POMGNT1: variants seen among roughly 807,000 people sequenced by gnomAD.
POMGNT1 encodes the protein protein O-linked-mannose beta-1,2-N-acetylglucosaminyltransferase 1.
Under a neutral mutation model 95.6 loss-of-function variants are expected in POMGNT1, and 67 were observed. The ratio of observed to expected loss-of-function variants is 0.70; its 90% confidence interval spans 0.58 to 0.86. The LOEUF (loss-of-function observed/expected upper bound fraction) is 0.86, where lower values mean the gene tolerates loss of function less well. Ranked by LOEUF, POMGNT1 falls within the 40% of genes least tolerant of loss-of-function variation. The pLI, the probability that POMGNT1 is intolerant of heterozygous loss-of-function variation, is 0.00. For missense variants in POMGNT1, 719 were observed against 855.2 expected (o/e 0.84, Z 1.99); for synonymous variants, 298 against 317.9 (o/e 0.94, Z 0.66).
At chr1:46,195,582 C>CAA in intron 6 of POMGNT1, 1 of 600,512 alleles carries the variant, frequency 1.7e-6, no homozygotes, top group Non-Finnish European at 3.1e-6. Context: ...GGTGGGGACT[C>CAA]TGTCTTGTTT....
intron 19 of POMGNT1, 62 bp from the exon 20 acceptor site, chr1:46,190,051 G>A: frequency 6.3e-7 from 1 of 1,593,562 alleles, no homozygotes; most frequent in Non-Finnish European, 8.6e-7. Flanking sequence ...GTGTCCCACA[G>A]GACCCTGTAC....
At position 46,197,873 on chromosome 1, in the gene POMGNT1, T is replaced by C; in HGVS notation, c.-50-2A>G. 1.2e-6 allele frequency: 2 copies of C among 1,612,008 alleles called. No individual in the cohort carries two copies. Among genetic ancestry groups the C allele is most frequent in the African/African-American group, 1.3e-5 (1 of 74,972 alleles). On this transcript the variant is annotated splice_acceptor_variant, in intron 1 of 21. Coordinates refer to ENST00000371984, the MANE Select transcript of POMGNT1 (RefSeq NM_017739.4). LOFTEE classifies it low-confidence loss of function (5UTR_SPLICE). ...TGGCCAGCCCATGACTTCAGGAATC[T>C]GAAGGGACCAGAGGGCCACATGGGG...
chr1:46,209,777 C>T (rs2148242152), intron 1 of POMGNT1, among the ~76,000 whole-genome samples: 1 of 152,012 alleles, frequency 6.6e-6, no homozygotes, highest in Admixed American at 6.6e-5. Context: ...TCCCAAAGTG[C>T]TGGGATTACA....
intron 1 of POMGNT1, among the ~76,000 whole-genome samples, chr1:46,208,623 A>T (rs1297021253): frequency 6.6e-6 from 1 of 152,106 alleles, no homozygotes; most frequent in African/African-American, 2.4e-5. Context: ...CGGGCGGATC[A>T]CCTGAGGTCA....
upstream of POMGNT1, among the ~76,000 whole-genome samples, chr1:46,198,964 C>T (rs757073824): frequency 7.2e-5 from 11 of 151,966 alleles, no homozygotes; most frequent in Non-Finnish European, 1.3e-4. Flanking sequence ...TTAATTGAGA[C>T]GGAGTCTCGC....
intron 1 of POMGNT1, among the ~76,000 whole-genome samples, chr1:46,219,249 CG>C (rs1659156908): frequency 6.6e-6 from 1 of 151,094 alleles, no homozygotes; most frequent in Admixed American, 6.6e-5. Flanking sequence ...GAGCTGAGAT[CG>C]CGCCATTGCA....
intron 1 of POMGNT1, among the ~76,000 whole-genome samples, chr1:46,214,372 A>G (rs780703672): frequency 2.6e-5 from 4 of 152,010 alleles, no homozygotes; most frequent in Non-Finnish European, 5.9e-5. Flanking sequence ...AGGAAAAGAA[A>G]AAGCAACTTG....
rs770634205 is a variant in POMGNT1 at position 46,194,852 on chromosome 1, C to T, written c.644G>A (p.Arg215Gln). 13 of 1,614,180 alleles carry T rather than the reference C, an allele frequency of 8.1e-6. No individual in the cohort carries two copies. Among genetic ancestry groups the T allele is most frequent in the Admixed American group, 3.3e-5 (2 of 60,036 alleles). Residue 215 changes from arginine (R) to glutamine (Q), a missense_variant, in exon 7 of 22, where the codon CGA (arginine) becomes CAA (glutamine). Around this residue, in one of 5 missense-constraint regions of POMGNT1, gnomAD observed 466 missense variants for 517.4 expected, o/e 0.90. Coordinates refer to ENST00000371984, the MANE Select transcript of POMGNT1 (RefSeq NM_017739.4). ...GWRDTWAFVG[R>Q]KGGPVFGEKH... is the part of the protein sequence containing the mutation. ...GCCTCTGATGCCGGCACCTCCTTTT[C>T]GTCCCACGAAGGCCCATGTGTCCCT...
At chr1:46,204,054 A>C (rs1180181890) in intron 1 of POMGNT1, among the ~76,000 whole-genome samples, 1 of 152,182 alleles carries the variant, frequency 6.6e-6, no homozygotes, top group African/African-American at 2.4e-5. Flanking sequence ...GTGAGGCCGC[A>C]GTGTTCCGCA....
rs386834019 is a variant in POMGNT1, at chr1:46,189,870, C to G, written c.1769G>C (p.Trp590Ser). The change falls in exon 20 of 22, where the codon TGG (tryptophan) becomes TCG (serine). Residue 590 changes from tryptophan (W) to serine (S), a missense_variant. Trp to Ser is a radical substitution (Grantham distance 177). Coordinates refer to ENST00000371984, the MANE Select transcript of POMGNT1 (RefSeq NM_017739.4). ...RMEKDDDFTT[W>S]TQLAKCLHIW... ...TTGGAGCACCTTGGCAAGCTGGGTCCAGGTGGTGAAGTCATCATCTTTCTC... is the reference window on the plus strand; with the variant it reads ...TTGGAGCACCTTGGCAAGCTGGGTCGAGGTGGTGAAGTCATCATCTTTCTC... 5 of 1,613,762 alleles carry G rather than the reference C, an allele frequency of 3.1e-6. No homozygotes were observed. The South Asian group carries it at 5.5e-5, about 18-fold the overall frequency.
chr1:46,195,367 T>C (rs925037224), intron 6 of POMGNT1: 15 of 376,374 alleles, frequency 4.0e-5, no homozygotes, highest in African/African-American at 8.4e-5. Flanking sequence ...GATACTCACC[T>C]GGCTCACTCC....
intron 14 of POMGNT1, 97 bp from the exon 15 acceptor site, chr1:46,192,687 TCCTTCCTGGAGTACC>T: frequency 6.2e-7 from 1 of 1,600,850 alleles, no homozygotes; most frequent in South Asian, 1.1e-5. Flanking sequence ...CAGGAGCACC[TCCTTCCTGGAGTACC>T]TCCTTCCCCC....
At position 46,189,237 on chromosome 1, in the gene POMGNT1, A is replaced by G; in HGVS notation, c.*33T>C. The G allele has an allele frequency of 2.5e-6, 4 of 1,601,242 alleles. No homozygotes were observed. The highest frequency in any genetic ancestry group is 3.4e-6 in the Non-Finnish European group (4 of 1,175,012). Reference sequence around the variant, plus strand: ...AGGGCTAGCCAGCCTGGGGGTACACAGTACCCAGCCCCGCAGGGTCCTGGA... The same window carrying G: ...AGGGCTAGCCAGCCTGGGGGTACACGGTACCCAGCCCCGCAGGGTCCTGGA... On this transcript the variant is annotated 3_prime_UTR_variant, in exon 22 of 22. Coordinates refer to ENST00000371984, the MANE Select transcript of POMGNT1 (RefSeq NM_017739.4).
chr1:46,209,662 G>T (rs146984179), intron 1 of POMGNT1, among the ~76,000 whole-genome samples: 1 of 148,870 alleles, frequency 6.7e-6, no homozygotes, highest in Non-Finnish European at 1.5e-5. Context: ...ACATGCACCC[G>T]CCACCACACA....
intron 1 of POMGNT1, among the ~76,000 whole-genome samples, chr1:46,206,796 G>A (rs979411600): frequency 3.3e-5 from 5 of 152,188 alleles, no homozygotes; most frequent in African/African-American, 1.2e-4. Flanking sequence ...TCACAGAACT[G>A]AATGTGACCT....
chr1:46,200,112 G>A (rs904227803), upstream of POMGNT1, among the ~76,000 whole-genome samples: 35 of 152,172 alleles, frequency 2.3e-4, no homozygotes, highest in African/African-American at 8.2e-4. Flanking sequence ...AGAAGTTGCA[G>A]TTGAGATTGC....
chr1:46,190,682 C>T (rs551153994), intron 18 of POMGNT1, 38 bp downstream of exon 18: 3 of 1,582,632 alleles, frequency 1.9e-6, no homozygotes, highest in Non-Finnish European at 2.6e-6. Context: ...CTCCAAATCT[C>T]CTAGATATCC....
In POMGNT1 at chr1:46,193,222, G is replaced by T; in HGVS notation, c.1111-7C>A. On this transcript the variant is annotated splice_region_variant and splice_polypyrimidine_tract_variant and intron_variant, in intron 12 of 21. Transcript: ENST00000371984. The stretch of plus-strand genomic sequence containing the variant: ...TGAGGCTGGCCTTGTAGTGCTGGGA[G>T]TGGGGTGGGAATAGGGCACATGAGC... 1 of 1,614,200 alleles carries T rather than the reference G, an allele frequency of 6.2e-7. No individual in the cohort carries two copies. The highest frequency in any genetic ancestry group is 8.5e-7 in the Non-Finnish European group (1 of 1,180,040).
chr1:46,212,210 G>A (rs1313076222), intron 1 of POMGNT1, among the ~76,000 whole-genome samples: 1 of 152,010 alleles, frequency 6.6e-6, no homozygotes, highest in South Asian at 2.1e-4. Context: ...ACCTGTATAT[G>A]TAAATACACA....
Sources: allele counts gnomAD v4.1 joint callset (sites outside exome capture counted in the v4.1 genomes callset), GRCh38; gene constraint gnomAD v4.1.1; regional missense constraint gnomAD v4.1.1; transcripts MANE v1.5; gene names NCBI Gene and HGNC (gene_info 2026-07-23, HGNC 2026-07-21).